The following SSUH2 variants were observed in gnomAD, a reference collection of about 807,000 sequenced individuals.
The protein encoded by SSUH2 is protein SSUH2 homolog.
A neutral mutation model predicts 55.3 loss-of-function variants in SSUH2; 47 were observed. That is an observed-to-expected ratio of 0.85 (90% confidence interval 0.67 to 1.08). SSUH2 has a LOEUF of 1.08. SSUH2 is among the 50% of genes least tolerant of loss of function. The pLI, the probability that SSUH2 is intolerant of heterozygous loss-of-function variation, is 0.00. For missense variants in SSUH2, 535 were observed against 490.7 expected (o/e 1.09, Z -0.85); for synonymous variants, 212 against 191.5 (o/e 1.11, Z -0.89).
At chr3:8,639,306 G>A (rs1055289525) in intron 1 of SSUH2, among the ~76,000 whole-genome samples, 1 of 152,188 alleles carries the variant, frequency 6.6e-6, no homozygotes, top group African/African-American at 2.4e-5. Flanking sequence ...GGCTCCCAAA[G>A]GGACATTGTA....
chr3:8,622,403 GACTTAGGAC>G (rs956475844), intron 11 of SSUH2, among the ~76,000 whole-genome samples: 17 of 152,176 alleles, frequency 1.1e-4, no homozygotes, highest in African/African-American at 4.1e-4. Context: ...CAAACTGTGT[GACTTAGGAC>G]AGGTAACTTC....
chr3:8,659,934 T>C, intron 6 of SSUH2: 1 of 387,388 alleles, frequency 2.6e-6, no homozygotes, highest in South Asian at 2.0e-5. Context: ...AAAGGGAGAA[T>C]GGAGTTCATT....
intron 11 of SSUH2, among the ~76,000 whole-genome samples, chr3:8,622,317 C>T (rs78003993): frequency 0.027 from 4,163 of 152,302 alleles, 162 homozygotes; most frequent in African/African-American, 0.094. Flanking sequence ...TTTACCCTTC[C>T]TGGCTCCCGG....
intron 3 of SSUH2, among the ~76,000 whole-genome samples, chr3:8,634,860 G>A (rs1049942459): frequency 5.9e-5 from 9 of 152,154 alleles, no homozygotes; most frequent in South Asian, 2.1e-4. Context: ...GCCTTTCCGC[G>A]GATCTAGACC....
Position 8,622,523 on chromosome 3 carries a change from T to C in SSUH2, c.981+1026A>G, listed in dbSNP as rs150819035. Among the ~76,000 whole-genome samples, 366 of 152,314 alleles carry C rather than the reference T, an allele frequency of 2.4e-3. 3 individuals are homozygous for C. Among genetic ancestry groups the C allele is most frequent in the African/African-American group, 8.2e-3 (339 of 41,578 alleles). ...CAGACAGTCTGGAAACACTGGGTCTTGTGCCTACAGAAAGCTGAGTGTCGA... is the reference window on the plus strand; with the variant it reads ...CAGACAGTCTGGAAACACTGGGTCTCGTGCCTACAGAAAGCTGAGTGTCGA... On this transcript the variant is annotated intron_variant, in intron 11 of 11. Transcript: ENST00000544814.
intron 5 of SSUH2, 35 bp downstream of exon 5, chr3:8,632,013 GC>G: frequency 2.6e-6 from 4 of 1,554,206 alleles, no homozygotes; most frequent in Non-Finnish European, 3.6e-6. Flanking sequence ...TGACTTATTT[GC>G]CCCCAGTTAA....
intron 5 of SSUH2, among the ~76,000 whole-genome samples, chr3:8,670,054 G>T (rs1439916320): frequency 6.6e-6 from 1 of 152,102 alleles, no homozygotes; most frequent in African/African-American, 2.4e-5. Flanking sequence ...TGAGTCCACA[G>T]TGCTTGCACC....
chr3:8,680,602 C>T (rs529212011), intron 1 of SSUH2, among the ~76,000 whole-genome samples: 121 of 152,198 alleles, frequency 8.0e-4, no homozygotes, highest in Non-Finnish European at 1.5e-3. Flanking sequence ...GGCGTGTCCA[C>T]CTTCTGTCAT....
chr3:8,676,838 ACC>A, intron 3 of SSUH2, among the ~76,000 whole-genome samples: 1 of 81,990 alleles, frequency 1.2e-5, no homozygotes. Flanking sequence ...CCTCTTCCCC[ACC>A]TGGCCCTTAG....
At chr3:8,629,501 C>T in intron 7 of SSUH2, 163 bp downstream of exon 7, 4 of 622,226 alleles carry the variant, frequency 6.4e-6, no homozygotes, top group Admixed American at 2.9e-5. Flanking sequence ...CCCACTTTTT[C>T]ATTTTATAGA....
chr3:8,649,036 C>G (rs1020107743), upstream of SSUH2, among the ~76,000 whole-genome samples: 2 of 152,152 alleles, frequency 1.3e-5, no homozygotes, highest in African/African-American at 4.8e-5. Context: ...CTCTGAAGGG[C>G]TGCCCTACTT....
chr3:8,627,741 G>T lies in SSUH2; in HGVS notation c.631C>A (p.Gln211Lys). 2 of 1,610,338 alleles carry T rather than the reference G, an allele frequency of 1.2e-6. No individual in the cohort carries two copies. Among genetic ancestry groups the T allele is most frequent in the Non-Finnish European group, 1.7e-6 (2 of 1,178,386 alleles). The change falls in exon 8 of 12, where the codon CAG (glutamine) becomes AAG (lysine). Residue 211 changes from glutamine to lysine, a missense_variant. Physicochemically the swap from Gln to Lys is moderately conservative, Grantham distance 53 (BLOSUM62 1). Coordinates refer to ENST00000544814, the MANE Select transcript of SSUH2 (RefSeq NM_001256748.3). Reference protein sequence around the residue: ...SCCGAKRKAKQSRRCQLCAGS... With the variant: ...SCCGAKRKAKKSRRCQLCAGS... ...GCGCACAGCTGACATCTCCGGGACT[G>T]CTTGGCTTTGCGCTTGGCTCCGCAG...
intron 7 of SSUH2, among the ~76,000 whole-genome samples, chr3:8,650,279 T>C (rs967922757): frequency 2.0e-5 from 3 of 152,208 alleles, no homozygotes. Flanking sequence ...ACTAACTTAC[T>C]ATGTGTTTTG....
intron 1 of SSUH2, among the ~76,000 whole-genome samples, chr3:8,680,389 G>C (rs1025747934): frequency 6.6e-6 from 1 of 152,020 alleles, no homozygotes; most frequent in Non-Finnish European, 1.5e-5. Context: ...ATATCCTCTC[G>C]CTCTCTGGAG....
At chr3:8,633,196 T>G (rs1699183373) in intron 4 of SSUH2, among the ~76,000 whole-genome samples, 1 of 144,112 alleles carries the variant, frequency 6.9e-6, no homozygotes, top group Non-Finnish European at 1.5e-5. Flanking sequence ...CAGGCTGGAG[T>G]GCAATGGCAC....
At chr3:8,630,413 C>G (rs1698529301) in intron 6 of SSUH2, among the ~76,000 whole-genome samples, 3 of 152,200 alleles carry the variant, frequency 2.0e-5, no homozygotes, top group African/African-American at 7.2e-5. Flanking sequence ...CTTACTGACT[C>G]TCATGCAAAA....
intron 1 of SSUH2, among the ~76,000 whole-genome samples, chr3:8,637,645 C>T (rs530863028): frequency 6.4e-4 from 98 of 152,344 alleles, no homozygotes; most frequent in Middle Eastern, 3.4e-3. Context: ...CCCTTTAAAA[C>T]TGTTCCTACA....
Position 8,635,789 on chromosome 3 carries a change from G to T in SSUH2, c.97C>A (p.Pro33Thr). The T allele has an allele frequency of 6.5e-7, 1 of 1,535,964 alleles. No homozygotes were observed. Among genetic ancestry groups the T allele is most frequent in the Non-Finnish European group, 8.7e-7 (1 of 1,146,826 alleles). ...APPTELLERL[P>T]SYDWLLQGGR... is the part of the protein sequence containing the mutation. ...CCTTGAAGAAGCCAGTCATAGCTGG[G>T]CAGTCTCTCCAGGAGCTCTGTGGGG... Residue 33 changes from proline (P) to threonine (T), a missense_variant, in exon 2 of 12, where the codon CCC becomes ACC. Physicochemically the swap from Pro to Thr is conservative, Grantham distance 38. Transcript: ENST00000544814.
intron 1 of SSUH2, among the ~76,000 whole-genome samples, chr3:8,639,156 GT>G (rs1339319491): frequency 4.6e-5 from 7 of 152,180 alleles, no homozygotes; most frequent in Admixed American, 4.6e-4. Flanking sequence ...GAATGTGGAC[GT>G]CACGGGGCAT....
Sources: gnomAD v4.1 joint callset for allele counts (sites outside exome capture counted in the v4.1 genomes callset) on GRCh38, gnomAD v4.1.1 for gene constraint, MANE v1.5 for transcripts, NCBI Gene and HGNC (gene_info 2026-07-23, HGNC 2026-07-21) for gene names.